The following FUBP1 variants were observed in gnomAD, a reference collection of about 807,000 sequenced individuals.
FUBP1 encodes far upstream element-binding protein 1.
A neutral mutation model predicts 94.9 loss-of-function variants in FUBP1; 16 were observed. That is an observed-to-expected ratio of 0.17 (90% CI 0.11 to 0.26). The LOEUF (loss-of-function observed/expected upper bound fraction) is 0.26, where lower values mean the gene tolerates loss of function less well. FUBP1 is among the 10% of genes least tolerant of loss of function. The pLI, the probability that FUBP1 is intolerant of heterozygous loss-of-function variation, is 1.00. For missense variants in FUBP1, 583 were observed against 808.6 expected (o/e 0.72, Z 3.38); for synonymous variants, 279 against 254.9 (o/e 1.09, Z -0.90).
intron 1 of FUBP1, among the ~76,000 whole-genome samples, chr1:77,971,702 TA>T (rs57728377): frequency 0.1 from 13,609 of 136,324 alleles, 775 homozygotes; most frequent in Admixed American, 0.2. Flanking sequence ...GATTGCTTGA[TA>T]AAAAAAAAAA....
At chr1:77,964,994 T>C (rs1211393512) in intron 8 of FUBP1, 26 bp from the exon 9 acceptor site, 6 of 1,595,936 alleles carry the variant, frequency 3.8e-6, no homozygotes, top group African/African-American at 1.3e-5. Flanking sequence ...AAATAATATA[T>C]ATTAACAAAA....
chr1:77,953,499 A>G (rs752953314), intron 18 of FUBP1, among the ~76,000 whole-genome samples: 29 of 151,968 alleles, frequency 1.9e-4, no homozygotes, highest in Non-Finnish European at 2.9e-4. Context: ...AAATAAATAA[A>G]TAAATAAAAT....
intron 1 of FUBP1, among the ~76,000 whole-genome samples, chr1:77,971,045 CAAAAA>C (rs1048820444): frequency 4.7e-5 from 7 of 149,104 alleles, no homozygotes. Context: ...CAAAACAAAA[CAAAAA>C]AAATAAAAAA....
upstream of FUBP1, chr1:77,979,280 C>G: frequency 2.3e-6 from 1 of 430,800 alleles, no homozygotes; most frequent in Non-Finnish European, 4.2e-6. Context: ...ACCTCCTCTC[C>G]GCGCGTTCTT....
intron 19 of FUBP1, 72 bp from the exon 20 acceptor site, chr1:77,948,846 G>C (rs1652747397): frequency 6.3e-7 from 1 of 1,596,650 alleles, no homozygotes; most frequent in South Asian, 1.1e-5. Flanking sequence ...TAATTCAGGA[G>C]TGAATCCTTT....
chr1:77,950,070 G>A, intron 18 of FUBP1, among the ~76,000 whole-genome samples: 1 of 152,226 alleles, frequency 6.6e-6, no homozygotes, highest in Non-Finnish European at 1.5e-5. Flanking sequence ...AATCTTGAAT[G>A]TACTCTGAAT....
rs1428148588 is a variant in FUBP1 at position 77,966,582 on chromosome 1, AG to A, written c.473+111del. 5 of 667,996 alleles carry A rather than the reference AG, an allele frequency of 7.5e-6. No individual in the cohort carries two copies. The East Asian group carries it at 1.3e-4, about 17-fold the overall frequency. The allele number at this position is 667,996 out of a possible 1,614,324, so 41.4% of individuals were successfully genotyped here. On this transcript the variant is annotated intron_variant, in intron 7 of 19. Transcript: ENST00000370768. The stretch of plus-strand genomic sequence containing the variant: ...AAAGGAGTTGGAGGACTTTGAGGGA[AG>A]GTGGCAGCGAAACCACAGTGTAAAA...
chr1:77,977,317 A>T (rs576630655), intron 1 of FUBP1, among the ~76,000 whole-genome samples: 2 of 152,308 alleles, frequency 1.3e-5, no homozygotes, highest in Admixed American at 1.3e-4. Context: ...CAGCCTGGCC[A>T]GCATGGTGAA....
At position 77,948,296 on chromosome 1, in the gene FUBP1, CAA is replaced by C; in HGVS notation, c.*468_*469del. The C allele has an allele frequency of 9.5e-7, 1 of 1,049,716 alleles. No homozygotes were observed. Among genetic ancestry groups the C allele is most frequent in the South Asian group, 4.6e-5 (1 of 21,744 alleles). The allele number at this position is 1,049,716 out of a possible 1,614,324, so 65.0% of individuals were successfully genotyped here. A position where few individuals can be genotyped will look rare whatever the true frequency, so the allele number is the denominator to read the frequency against. On this transcript the variant is annotated 3_prime_UTR_variant, in exon 20 of 20. Coordinates refer to ENST00000370768, the MANE Select transcript of FUBP1 (RefSeq NM_003902.5). ...AAAAACATGCCAGTGTTTAAAAACT[CAA>C]TATTTCATGGGGAAAGCTTATATAT...
chr1:77,951,268 C>G (rs937270725), intron 18 of FUBP1, among the ~76,000 whole-genome samples: 2 of 152,122 alleles, frequency 1.3e-5, no homozygotes, highest in Non-Finnish European at 2.9e-5. Flanking sequence ...CATTGATGTT[C>G]CCTTAAAAAA....
chr1:77,954,655 G>A (rs992904026), intron 18 of FUBP1, among the ~76,000 whole-genome samples: 5 of 152,152 alleles, frequency 3.3e-5, no homozygotes, highest in Non-Finnish European at 5.9e-5. Flanking sequence ...GCTAGTGAAG[G>A]ATAACCAAGC....
At chr1:77,966,854 A>G (rs1571321956) in intron 6 of FUBP1, 30 bp downstream of exon 6, 1 of 1,438,798 alleles carries the variant, frequency 7.0e-7, no homozygotes, top group Non-Finnish European at 9.7e-7. Context: ...TTCTAGTCAC[A>G]CTGAAAATAC....
In FUBP1 at chr1:77,964,933, G is replaced by C. The variant is rs151335877; in HGVS notation, c.672C>G (p.Asp224Glu). 6.2e-7 allele frequency: 1 copy of C among 1,612,304 alleles called. No homozygotes were observed. Among genetic ancestry groups the C allele is most frequent in the Non-Finnish European group, 8.5e-7 (1 of 1,178,456 alleles). The change falls in exon 9 of 20, where the codon GAC (aspartate) becomes GAG (glutamate). Residue 224 changes from aspartate to glutamate, a missense_variant. Asp to Glu is a conservative substitution (Grantham distance 45). Transcript: ENST00000370768. ...TGTCAGCACCAGTGTTCTGCGGCCC[G>C]TCTTGAATCATAACCATTTTAACTC... ...RAGVKMVMIQ[D>E]GPQNTGADKP...
At chr1:77,952,101 T>A (rs1327257802) in intron 18 of FUBP1, among the ~76,000 whole-genome samples, 4 of 152,136 alleles carry the variant, frequency 2.6e-5, no homozygotes, top group Admixed American at 1.3e-4. Context: ...CTTATAAGCC[T>A]CTGAAATCTT....
Position 77,945,895 on chromosome 1 carries a change from G to A in FUBP1, c.*2871C>T, listed in dbSNP as rs369563723. ...AATATTATTAAATCAGAAAAATACTGATTGCTACAGATTATGAAAGGTTAT... is the reference window on the plus strand; with the variant it reads ...AATATTATTAAATCAGAAAAATACTAATTGCTACAGATTATGAAAGGTTAT... On this transcript the variant is annotated 3_prime_UTR_variant, in exon 20 of 20. Transcript: ENST00000370768. The A allele has an allele frequency of 3.2e-4, 66 of 208,016 alleles. No individual in the cohort carries two copies. Among genetic ancestry groups the A allele is most frequent in the Middle Eastern group, 1.6e-3 (1 of 626 alleles). 12.9% of individuals were successfully genotyped at this position (208,016 alleles called of 1,614,324 possible).
intron 1 of FUBP1, among the ~76,000 whole-genome samples, chr1:77,972,389 G>A (rs1277858491): frequency 6.6e-6 from 1 of 152,058 alleles, no homozygotes; most frequent in Non-Finnish European, 1.5e-5. Flanking sequence ...CTTCTATACA[G>A]AGAAAAGACA....
At chr1:77,949,545 ATTTAGTAGTGTCAGGAAACT>A (rs1472367964) in intron 18 of FUBP1, among the ~76,000 whole-genome samples, 2 of 152,022 alleles carry the variant, frequency 1.3e-5, no homozygotes, top group Non-Finnish European at 2.9e-5. Context: ...TAAAATATTC[ATTTAGTAGTGTCAGGAAACT>A]ACTCTGCAAT....
chr1:77,954,616 A>G (rs1417200481), intron 18 of FUBP1, among the ~76,000 whole-genome samples: 2 of 152,194 alleles, frequency 1.3e-5, no homozygotes, highest in Non-Finnish European at 2.9e-5. Flanking sequence ...TCTTATGACA[A>G]AACTCTACCA....
In FUBP1 at chr1:77,945,485, A is replaced by G; in HGVS notation, c.*3281T>C. ...ATGGGAATACATTTCATATTTCTCA[A>G]TTATGATTTGCCAATTTTACCTTCT... On this transcript the variant is annotated 3_prime_UTR_variant, in exon 20 of 20. Coordinates refer to ENST00000370768, the MANE Select transcript of FUBP1 (RefSeq NM_003902.5). 4.8e-6 allele frequency: 1 copy of G among 209,992 alleles called. No homozygotes were observed. Among genetic ancestry groups the G allele is most frequent in the Non-Finnish European group, 9.7e-6 (1 of 103,174 alleles). 13.0% of individuals were successfully genotyped at this position (209,992 alleles called of 1,614,324 possible). A position where few individuals can be genotyped will look rare whatever the true frequency, so the allele number is the denominator to read the frequency against.
Sources: gnomAD v4.1 joint callset for allele counts (sites outside exome capture counted in the v4.1 genomes callset) on GRCh38, gnomAD v4.1.1 for gene constraint, MANE v1.5 for transcripts, NCBI Gene and HGNC (gene_info 2026-07-23, HGNC 2026-07-21) for gene names.